The following PLEKHA3 variants were observed in gnomAD, a reference collection of about 807,000 sequenced individuals.
PLEKHA3 encodes the protein pleckstrin homology domain containing A3, also known as pleckstrin homology domain-containing family A member 3.
A neutral mutation model predicts 39.2 loss-of-function variants in PLEKHA3; 19 were observed. The ratio of observed to expected loss-of-function variants is 0.48; its 90% CI spans 0.34 to 0.71. PLEKHA3 has a LOEUF of 0.71. Among genes scored for constraint, PLEKHA3 ranks in the 30% least tolerant of loss-of-function variants. PLEKHA3 has a pLI of 0.01. For missense variants in PLEKHA3, 253 were observed against 359.5 expected, an observed-to-expected ratio of 0.70 and a Z score of 2.40; for synonymous variants, 97 against 118.6, an observed-to-expected ratio of 0.82 and a Z score of 1.18.
Position 178,508,052 on chromosome 2 carries a change from T to TGG in PLEKHA3, c.*4166_*4167insGG, listed in dbSNP as rs1003493457. On this transcript the variant is annotated 3_prime_UTR_variant, in exon 8 of 8. Coordinates refer to ENST00000234453, the MANE Select transcript of PLEKHA3 (RefSeq NM_019091.4). The stretch of plus-strand genomic sequence containing the variant: ...GAGATTTGTCTGCTTCAGTTCTGGG[T>TGG]GTGTGTGTGTGTGTGTGTGTGTGTG... 1.1e-3 allele frequency: 12 copies of TGG among 11,090 alleles called. No individual in the cohort carries two copies. The highest frequency in any genetic ancestry group is 3.5e-3 in the African/African-American group (11 of 3,150). The allele number at this position is 11,090 out of a possible 1,614,324, so 0.7% of individuals were successfully genotyped here.
At chr2:178,492,031 G>A (rs1242002920) in intron 3 of PLEKHA3, among the ~76,000 whole-genome samples, 1 of 151,978 alleles carries the variant, frequency 6.6e-6, no homozygotes, top group African/African-American at 2.4e-5. Flanking sequence ...GCCACACTGG[G>A]GACCCAGACT....
Position 178,499,405 on chromosome 2 carries a change from T to G in PLEKHA3, c.659+151T>G, listed in dbSNP as rs1270404954. The stretch of plus-strand genomic sequence containing the variant: ...ATTTTATCTCTCAGTATTTATCTCC[T>G]AGTATTTAGTATAAGGGCCTGGCCT... On this transcript the variant is annotated intron_variant, in intron 6 of 7. Coordinates refer to ENST00000234453, the MANE Select transcript of PLEKHA3 (RefSeq NM_019091.4). 6.2e-6 allele frequency: 4 copies of G among 648,126 alleles called. No homozygotes were observed. The African/African-American group carries it at 7.5e-5, about 12-fold the overall frequency. 40.1% of individuals were successfully genotyped at this position (648,126 alleles called of 1,614,324 possible). A position where few individuals can be genotyped will look rare whatever the true frequency, so the allele number is the denominator to read the frequency against.
At chr2:178,482,785 G>T (rs572094184) in intron 1 of PLEKHA3, among the ~76,000 whole-genome samples, 2 of 152,280 alleles carry the variant, frequency 1.3e-5, no homozygotes, top group South Asian at 2.1e-4. Flanking sequence ...TTTAGTCTTT[G>T]CAGGGCATTT....
At position 178,506,997 on chromosome 2, in the gene PLEKHA3, G is replaced by A. The variant is rs1163112336; in HGVS notation, c.*3110G>A. On this transcript the variant is annotated 3_prime_UTR_variant, in exon 8 of 8. Transcript: ENST00000234453. ...CTTTCTTTTTATTAAACTAGTTAAT[G>A]TACATAGTTTGAAAAAATCAAATAG... 1.3e-5 allele frequency: 2 copies of A among 151,576 alleles called. No individual in the cohort carries two copies. The highest frequency in any genetic ancestry group is 2.9e-5 in the Non-Finnish European group (2 of 67,898). The allele number at this position is 151,576 out of a possible 1,614,324, so 9.4% of individuals were successfully genotyped here.
At position 178,500,865 on chromosome 2, in the gene PLEKHA3, A is replaced by G. The variant is rs539664351; in HGVS notation, c.660-196A>G. 2.6e-5 allele frequency among the ~76,000 whole-genome samples: 4 copies of G among 152,116 alleles called. No individual in the cohort carries two copies. The South Asian group carries it at 8.3e-4, about 32-fold the overall frequency. ...TTCCTTTTAGTTCAGCTCAGAAGCC[A>G]TATTCTCCAGGTTACCAGCTGTCTT... is the stretch of plus-strand genomic sequence containing the variant. On this transcript the variant is annotated intron_variant, in intron 6 of 7. Coordinates refer to ENST00000234453, the MANE Select transcript of PLEKHA3 (RefSeq NM_019091.4).
At chr2:178,497,080 C>T (rs1007639644) in intron 5 of PLEKHA3, among the ~76,000 whole-genome samples, 1 of 152,002 alleles carries the variant, frequency 6.6e-6, no homozygotes, top group African/African-American at 2.4e-5. Flanking sequence ...GCCACCATGC[C>T]CAGCCGTCAC....
chr2:178,487,334 A>G (rs1008151579), intron 2 of PLEKHA3, among the ~76,000 whole-genome samples: 5 of 152,258 alleles, frequency 3.3e-5, no homozygotes, highest in Non-Finnish European at 7.3e-5. Flanking sequence ...TGGATTCTAC[A>G]AGGATGGAGA....
In PLEKHA3 at chr2:178,506,795, T is replaced by G. The variant is rs1370654768; in HGVS notation, c.*2908T>G. On this transcript the variant is annotated 3_prime_UTR_variant, in exon 8 of 8. Transcript: ENST00000234453. ...GTCCTGGCCTGAAAGAAAGCCAGAT[T>G]AGGCTGCAGGAGTTCCTTTGAGGAG... is the stretch of plus-strand genomic sequence containing the variant. The G allele has an allele frequency of 6.6e-6, 1 of 152,196 alleles. No homozygotes were observed. Among genetic ancestry groups the G allele is most frequent in the Non-Finnish European group, 1.5e-5 (1 of 68,032 alleles). The allele number at this position is 152,196 out of a possible 1,614,324, so 9.4% of individuals were successfully genotyped here.
In PLEKHA3 at chr2:178,480,985, C is replaced by T. The variant is rs1685152690; in HGVS notation, c.40+76C>T. 4.0e-6 allele frequency: 5 copies of T among 1,248,918 alleles called. No individual in the cohort carries two copies. In the African/African-American group the frequency reaches 7.7e-5, roughly 19 times the overall value. The allele number at this position is 1,248,918 out of a possible 1,614,324, so 77.4% of individuals were successfully genotyped here. On this transcript the variant is annotated intron_variant, in intron 1 of 7. Transcript: ENST00000234453. ...AGAAGGCGGGTCGGGGCTCCTCTTC[C>T]TCCGTCTGGCCTCCGCGGACCCTCA... is the stretch of plus-strand genomic sequence containing the variant.
At chr2:178,494,881 A>G (rs1201088868) in intron 4 of PLEKHA3, among the ~76,000 whole-genome samples, 1 of 150,914 alleles carries the variant, frequency 6.6e-6, no homozygotes, top group Non-Finnish European at 1.5e-5. Flanking sequence ...CAAAAATCCC[A>G]GAAATTCCCT....
At chr2:178,490,360 G>A (rs982204333) in intron 2 of PLEKHA3, among the ~76,000 whole-genome samples, 30 of 152,138 alleles carry the variant, frequency 2.0e-4, no homozygotes, top group African/African-American at 7.0e-4. Flanking sequence ...GTATTTAATA[G>A]GATAAGTGGC....
chr2:178,502,066 T>C (rs997292543), intron 7 of PLEKHA3, among the ~76,000 whole-genome samples: 8 of 152,036 alleles, frequency 5.3e-5, no homozygotes, highest in Non-Finnish European at 7.4e-5. Flanking sequence ...ATGGCTGAAA[T>C]GGGACAAAAC....
In PLEKHA3 at chr2:178,499,196, T is replaced by C. The variant is rs746445615; in HGVS notation, c.616-15T>C. On this transcript the variant is annotated splice_polypyrimidine_tract_variant and intron_variant, in intron 5 of 7. Coordinates refer to ENST00000234453, the MANE Select transcript of PLEKHA3 (RefSeq NM_019091.4). ...GGATTATGCTAATTTTTTTTTTTTTTTCCAAAATTTCTAGATGAAGCGTTC... is the reference window on the plus strand; with the variant it reads ...GGATTATGCTAATTTTTTTTTTTTTCTCCAAAATTTCTAGATGAAGCGTTC... The C allele has an allele frequency of 1.5e-5, 24 of 1,606,318 alleles. No individual in the cohort carries two copies. The East Asian group carries it at 3.6e-4, about 24-fold the overall frequency.
At chr2:178,485,892 G>A (rs1255476926) in intron 2 of PLEKHA3, 135 bp downstream of exon 2, 2 of 591,068 alleles carry the variant, frequency 3.4e-6, no homozygotes, top group East Asian at 5.3e-5. Context: ...TAGCAGTCAG[G>A]AGTGGCATTT....
intron 1 of PLEKHA3, among the ~76,000 whole-genome samples, chr2:178,484,791 T>G (rs1685221029): frequency 6.6e-6 from 1 of 152,246 alleles, no homozygotes; most frequent in Non-Finnish European, 1.5e-5. Context: ...GAACACCAAG[T>G]TTGGCTTCAA....
At chr2:178,491,010 C>CTTTTTTTTT (rs1204723389) in intron 3 of PLEKHA3, among the ~76,000 whole-genome samples, 196 bp downstream of exon 3, 4 of 129,532 alleles carry the variant, frequency 3.1e-5, no homozygotes, top group East Asian at 2.3e-4. Context: ...CTCTTTCTTT[C>CTTTTTTTTT]TTTTTTTTTT....
intron 6 of PLEKHA3, among the ~76,000 whole-genome samples, chr2:178,500,023 T>A (rs994796263): frequency 6.6e-6 from 1 of 152,178 alleles, no homozygotes; most frequent in African/African-American, 2.4e-5. Flanking sequence ...AACCACTTGA[T>A]ATTTTAAAGT....
At chr2:178,487,671 T>C (rs1040712935) in intron 2 of PLEKHA3, among the ~76,000 whole-genome samples, 2 of 152,214 alleles carry the variant, frequency 1.3e-5, no homozygotes, top group South Asian at 2.1e-4. Context: ...CTTGAACTCC[T>C]GAGCTTAAGC....
rs1012714862 is a variant in PLEKHA3, at chr2:178,507,998, TACTTG to T, written c.*4117_*4121del. ...GTCTTTATTCATTCATCTTGATGGC[TACTTG>T]ACTTGGTGGAATCTTTCAATTTAGA... On this transcript the variant is annotated 3_prime_UTR_variant, in exon 8 of 8. Transcript: ENST00000234453. 1.3e-5 allele frequency: 2 copies of T among 153,576 alleles called. No homozygotes were observed. The highest frequency in any genetic ancestry group is 4.8e-5 in the African/African-American group (2 of 41,368). 9.5% of individuals were successfully genotyped at this position (153,576 alleles called of 1,614,324 possible).
Sources: gnomAD v4.1 joint callset for allele counts (sites outside exome capture counted in the v4.1 genomes callset) on GRCh38, gnomAD v4.1.1 for gene constraint, MANE v1.5 for transcripts, NCBI Gene and HGNC (gene_info 2026-07-23, HGNC 2026-07-21) for gene names.